QTMAN: variants seen among roughly 807,000 people sequenced by gnomAD.
QTMAN encodes queuosine-tRNA mannosyltransferase.
At chr2:143,953,372 T>C in the QTMAN span, among the ~76,000 whole-genome samples, 1 of 151,900 alleles carries the variant, frequency 6.6e-6, no homozygotes, top group East Asian at 1.9e-4. Flanking sequence ...CAATTTGTTA[T>C]TATGCAGAAT....
chr2:143,997,415 C>T, the QTMAN span, among the ~76,000 whole-genome samples: 1 of 152,108 alleles, frequency 6.6e-6, no homozygotes, highest in African/African-American at 2.4e-5. Flanking sequence ...TCCAAAGTTT[C>T]AGTTTCTGAA....
chr2:144,183,478 T>C, the QTMAN span, among the ~76,000 whole-genome samples: 2 of 152,180 alleles, frequency 1.3e-5, no homozygotes, highest in Non-Finnish European at 2.9e-5. Context: ...TTTAATAAAA[T>C]ACAAGCTTTC....
chr2:144,303,308 A>G, the QTMAN span, among the ~76,000 whole-genome samples: 1 of 152,152 alleles, frequency 6.6e-6, no homozygotes, highest in Non-Finnish European at 1.5e-5. Flanking sequence ...CAGACAGGAG[A>G]CTTACTGGAC....
At chr2:144,274,590 G>A in the QTMAN span, among the ~76,000 whole-genome samples, 2 of 152,170 alleles carry the variant, frequency 1.3e-5, no homozygotes, top group South Asian at 2.1e-4. Flanking sequence ...GGTTCAGTTC[G>A]AGGAGCTTCC....
At chr2:144,141,584 G>T in the QTMAN span, among the ~76,000 whole-genome samples, 1 of 142,928 alleles carries the variant, frequency 7.0e-6, no homozygotes, top group East Asian at 2.1e-4. Context: ...AATGACTTCT[G>T]TAACAAAAAA....
At chr2:144,009,222 C>T in the QTMAN span, among the ~76,000 whole-genome samples, 13 of 152,080 alleles carry the variant, frequency 8.5e-5, no homozygotes, top group African/African-American at 2.9e-4. Context: ...AAAAACAAAA[C>T]AGCTTTAGGT....
chr2:143,983,370 C>A, the QTMAN span, among the ~76,000 whole-genome samples: 3 of 150,618 alleles, frequency 2.0e-5, no homozygotes, highest in Admixed American at 1.3e-4. Context: ...TAAGAATCTT[C>A]TAGTGAGTTT....
the QTMAN span, among the ~76,000 whole-genome samples, chr2:144,326,441 G>A: frequency 6.6e-6 from 1 of 151,974 alleles, no homozygotes; most frequent in Non-Finnish European, 1.5e-5. Context: ...CAAAAAATAA[G>A]CCGGGCATGG....
At chr2:144,080,196 T>C in the QTMAN span, among the ~76,000 whole-genome samples, 1 of 152,088 alleles carries the variant, frequency 6.6e-6, no homozygotes, top group African/African-American at 2.4e-5. Flanking sequence ...AACAATAATC[T>C]CTAATTACCA....
chr2:143,970,707 A>G, the QTMAN span: 17 of 1,611,026 alleles, frequency 1.1e-5, no homozygotes, highest in Non-Finnish European at 1.4e-5. Flanking sequence ...TTGAGTCCTA[A>G]GTCTTTAAGA....
chr2:144,224,422 G>A, the QTMAN span, among the ~76,000 whole-genome samples: 2 of 152,068 alleles, frequency 1.3e-5, no homozygotes, highest in African/African-American at 4.8e-5. Flanking sequence ...GGATAAATTA[G>A]GTAACAAAGC....
chr2:144,076,272 C>T, the QTMAN span, among the ~76,000 whole-genome samples: 5 of 152,116 alleles, frequency 3.3e-5, no homozygotes, highest in Non-Finnish European at 5.9e-5. Flanking sequence ...AGAAAGAATG[C>T]CTTATGAACA....
At chr2:144,144,812 G>C in the QTMAN span, among the ~76,000 whole-genome samples, 1 of 151,882 alleles carries the variant, frequency 6.6e-6, no homozygotes, top group African/African-American at 2.4e-5. Flanking sequence ...AAACCCAGTT[G>C]CTAATAGCTG....
the QTMAN span, among the ~76,000 whole-genome samples, chr2:144,122,332 A>G: frequency 6.6e-6 from 1 of 152,298 alleles, no homozygotes; most frequent in Non-Finnish European, 1.5e-5. Context: ...GCTATTTTAT[A>G]AGGGTAAGAC....
chr2:144,040,267 T>C, the QTMAN span, among the ~76,000 whole-genome samples: 1 of 152,128 alleles, frequency 6.6e-6, no homozygotes, highest in African/African-American at 2.4e-5. Flanking sequence ...CTACCACGCT[T>C]AGCATACAAC....
the QTMAN span, among the ~76,000 whole-genome samples, chr2:144,105,962 A>T: frequency 6.6e-6 from 1 of 152,216 alleles, no homozygotes; most frequent in South Asian, 2.1e-4. Flanking sequence ...AACATTTTTA[A>T]AGAAAATAAT....
chr2:143,991,916 G>A, the QTMAN span, among the ~76,000 whole-genome samples: 19 of 149,750 alleles, frequency 1.3e-4, no homozygotes, highest in Non-Finnish European at 2.2e-4. Context: ...AGGTGGGGGG[G>A]TCAGCCCCCC....
chr2:144,289,591 G>GA, the QTMAN span, among the ~76,000 whole-genome samples: 3 of 152,182 alleles, frequency 2.0e-5, no homozygotes, highest in Non-Finnish European at 4.4e-5. Flanking sequence ...GGCCGGGGGA[G>GA]AAAATAGCTG....
At chr2:144,292,933 A>T in the QTMAN span, among the ~76,000 whole-genome samples, 1 of 152,166 alleles carries the variant, frequency 6.6e-6, no homozygotes, top group Non-Finnish European at 1.5e-5. Flanking sequence ...AAACATAACA[A>T]ATGATCATAT....
Sources: gnomAD v4.1 joint callset for allele counts (sites outside exome capture counted in the v4.1 genomes callset) on GRCh38, gnomAD v4.1.1 for gene constraint, MANE v1.5 for transcripts, NCBI Gene and HGNC (gene_info 2026-07-23, HGNC 2026-07-21) for gene names.